MIA2: variants seen among roughly 807,000 people sequenced by gnomAD.
The protein encoded by MIA2 is melanoma inhibitory activity protein 2.
In MIA2, 127 loss-of-function variants were observed where a neutral mutation model predicts 167.8. The observed-to-expected ratio is 0.76, with a 90% CI of 0.66 to 0.88. The LOEUF (loss-of-function observed/expected upper bound fraction) is 0.88. Among genes scored for constraint, MIA2 ranks in the 40% least tolerant of loss-of-function variants. The probability of loss-of-function intolerance (pLI) is 0.00; values close to 1 mark genes in which losing one functional copy is unlikely to be tolerated. For missense variants in MIA2, 1,690 were observed against 1,624.7 expected (o/e 1.04, Z -0.69); for synonymous variants, 552 against 541.9 (o/e 1.02, Z -0.26).
At chr14:39,385,701 TG>T in intron 23 of MIA2, 1 of 982,232 alleles carries the variant, frequency 1.0e-6, no homozygotes, top group South Asian at 1.3e-5. Flanking sequence ...CTGCTAACAG[TG>T]GTAACAGACT....
intron 3 of MIA2, among the ~76,000 whole-genome samples, chr14:39,245,536 C>A (rs2054260962): frequency 6.6e-6 from 1 of 152,142 alleles, no homozygotes. Flanking sequence ...TGAGCTATAA[C>A]CATATGCTGT....
intron 23 of MIA2, among the ~76,000 whole-genome samples, chr14:39,357,450 G>T (rs1021436841): frequency 2.0e-5 from 3 of 152,076 alleles, no homozygotes; most frequent in Non-Finnish European, 2.9e-5. Context: ...GTATGTCTCT[G>T]CATGTGAGAT....
chr14:39,311,899 G>A (rs2064366278), intron 18 of MIA2, among the ~76,000 whole-genome samples: 1 of 150,344 alleles, frequency 6.7e-6, no homozygotes, highest in Non-Finnish European at 1.5e-5. Context: ...GCACGATCTC[G>A]GCTCACTGCA....
intron 23 of MIA2, chr14:39,370,653 C>CGCACGTGCTGCATGCCCA: frequency 3.3e-6 from 1 of 301,734 alleles, no homozygotes; most frequent in South Asian, 3.2e-5. Context: ...CCGAGTCTGT[C>CGCACGTGCTGCATGCCCA]GCACGTGCTG....
intron 23 of MIA2, among the ~76,000 whole-genome samples, chr14:39,383,974 A>G (rs1467560611): frequency 1.3e-5 from 2 of 152,244 alleles, no homozygotes. Flanking sequence ...TAGAAGCTGC[A>G]GCAAGTTATC....
At chr14:39,306,420 A>T (rs181962782) in intron 17 of MIA2, among the ~76,000 whole-genome samples, 16 of 152,252 alleles carry the variant, frequency 1.1e-4, no homozygotes, top group Admixed American at 3.3e-4. Flanking sequence ...GAGCAGGAGG[A>T]AGAGAGTGAA....
intron 9 of MIA2, among the ~76,000 whole-genome samples, chr14:39,288,349 A>G (rs1249574646): frequency 4.0e-5 from 6 of 148,306 alleles, no homozygotes; most frequent in Admixed American, 6.8e-5. Flanking sequence ...TTCTGTGTCA[A>G]TTGGTATGAT....
intron 6 of MIA2, among the ~76,000 whole-genome samples, chr14:39,268,366 A>G (rs564605623): frequency 6.6e-6 from 1 of 152,292 alleles, no homozygotes; most frequent in Admixed American, 6.5e-5. Context: ...TGTATTTAAT[A>G]TGAAAAGAGC....
At chr14:39,339,212 C>T (rs2071204665) in intron 25 of MIA2, among the ~76,000 whole-genome samples, 1 of 152,122 alleles carries the variant, frequency 6.6e-6, no homozygotes, top group African/African-American at 2.4e-5. Context: ...GCTCGCTTGC[C>T]CTCCTCACCT....
At chr14:39,239,205 G>A (rs1463881356) in intron 2 of MIA2, among the ~76,000 whole-genome samples, 7 of 152,194 alleles carry the variant, frequency 4.6e-5, no homozygotes, top group Non-Finnish European at 8.8e-5. Flanking sequence ...TTGCTTGTCT[G>A]GCCTCTGCAG....
intron 17 of MIA2, among the ~76,000 whole-genome samples, chr14:39,306,158 A>G (rs900000656): frequency 3.9e-4 from 60 of 152,170 alleles, no homozygotes; most frequent in African/African-American, 1.4e-3. Flanking sequence ...GTTACGTACA[A>G]TTTCCTATAC....
At chr14:39,246,486 G>T (rs545884472) in intron 3 of MIA2, among the ~76,000 whole-genome samples, 1 of 152,156 alleles carries the variant, frequency 6.6e-6, no homozygotes, top group South Asian at 2.1e-4. Context: ...GGAAAGCTGA[G>T]GCAGGATGAA....
chr14:39,317,918 T>G, intron 21 of MIA2, 26 bp from the exon 22 acceptor site: 2 of 1,498,800 alleles, frequency 1.3e-6, no homozygotes, highest in Non-Finnish European at 1.8e-6. Context: ...ATAAATATAT[T>G]TTTAAAATGT....
chr14:39,341,590 G>T (rs1335570532), intron 25 of MIA2, among the ~76,000 whole-genome samples: 1 of 152,116 alleles, frequency 6.6e-6, no homozygotes, highest in African/African-American at 2.4e-5. Flanking sequence ...GAGGTGTCCA[G>T]TTGTTTCAAT....
intron 23 of MIA2, chr14:39,386,369 C>G: frequency 2.6e-6 from 4 of 1,545,262 alleles, no homozygotes; most frequent in Non-Finnish European, 3.6e-6. Flanking sequence ...GGAACTGGGA[C>G]TCTCTTTTGA....
intron 6 of MIA2, chr14:39,267,363 T>G: frequency 6.3e-7 from 1 of 1,586,314 alleles, no homozygotes; most frequent in Non-Finnish European, 8.5e-7. Context: ...CGGGTGCGGA[T>G]TCGGGTTCCG....
chr14:39,330,831 G>C (rs934414489), intron 25 of MIA2, among the ~76,000 whole-genome samples: 1 of 152,206 alleles, frequency 6.6e-6, no homozygotes, highest in Non-Finnish European at 1.5e-5. Flanking sequence ...GTGAGGGACT[G>C]TTATGATTTC....
intron 4 of MIA2, 132 bp from the exon 5 acceptor site, chr14:39,252,616 G>A: frequency 1.6e-6 from 1 of 630,918 alleles, no homozygotes; most frequent in Non-Finnish European, 2.7e-6. Context: ...ATGTTTTAGT[G>A]TGTCCTTTCT....
intron 25 of MIA2, among the ~76,000 whole-genome samples, chr14:39,334,860 A>G (rs2069953281): frequency 6.6e-6 from 1 of 152,096 alleles, no homozygotes; most frequent in Non-Finnish European, 1.5e-5. Flanking sequence ...GAGCCACCAC[A>G]CCTGGCCTAG....
Sources: gnomAD v4.1 joint callset for allele counts (sites outside exome capture counted in the v4.1 genomes callset) on GRCh38, gnomAD v4.1.1 for gene constraint, MANE v1.5 for transcripts, NCBI Gene and HGNC (gene_info 2026-07-23, HGNC 2026-07-21) for gene names.